MMP26: variants seen among roughly 807,000 people sequenced by gnomAD.
MMP26 encodes matrix metalloproteinase-26.
A neutral mutation model predicts 31.0 loss-of-function variants in MMP26; 33 were observed. That is an observed-to-expected ratio of 1.06 (90% CI 0.81 to 1.42). The LOEUF (loss-of-function observed/expected upper bound fraction) is 1.42, where lower values mean the gene tolerates loss of function less well. Ranked by LOEUF, MMP26 falls within the 40% of genes most tolerant of loss-of-function variation. The probability of loss-of-function intolerance (pLI) is 0.00; values close to 1 mark genes in which losing one functional copy is unlikely to be tolerated. For missense variants in MMP26, 347 were observed against 316.1 expected, an observed-to-expected ratio of 1.10 and a Z score of -0.74; for synonymous variants, 122 against 114.9, an observed-to-expected ratio of 1.06 and a Z score of -0.40.
intron 2 of MMP26, among the ~76,000 whole-genome samples, chr11:4,879,341 A>G (rs1721912236): frequency 6.6e-6 from 1 of 152,162 alleles, no homozygotes; most frequent in Non-Finnish European, 1.5e-5. Context: ...AGCTTAAACC[A>G]TATGTGGGCA....
chr11:4,883,967 T>C (rs1055773892), intron 2 of MMP26, among the ~76,000 whole-genome samples: 1 of 152,122 alleles, frequency 6.6e-6, no homozygotes, highest in Admixed American at 6.6e-5. Context: ...TTATATAAAC[T>C]TCCTGTTCCT....
At chr11:4,855,444 A>T (rs1304100591) in intron 2 of MMP26, among the ~76,000 whole-genome samples, 1 of 152,208 alleles carries the variant, frequency 6.6e-6, no homozygotes, top group Non-Finnish European at 1.5e-5. Context: ...TCAGTAGACG[A>T]TTCGATCAAG....
intron 2 of MMP26, among the ~76,000 whole-genome samples, chr11:4,771,448 C>T (rs929827179): frequency 2.0e-5 from 3 of 152,056 alleles, no homozygotes; most frequent in African/African-American, 4.8e-5. Context: ...TGCTGGCTTC[C>T]GGATACAGTA....
Position 4,803,878 on chromosome 11 carries a change from C to G in MMP26, c.-145+36537C>G, listed in dbSNP as rs755387358. On this transcript the variant is annotated intron_variant, in intron 2 of 7. Coordinates refer to ENST00000380390, the MANE Select transcript of MMP26 (RefSeq NM_021801.5). Reference sequence around the variant, plus strand: ...GGCTTGGTGTTGGCAGAAGGGCATCCTAGACACCATGAAGCAGAAGGGGCT... The same window carrying G: ...GGCTTGGTGTTGGCAGAAGGGCATCGTAGACACCATGAAGCAGAAGGGGCT... The G allele has an allele frequency of 6.8e-6, 11 of 1,612,540 alleles. No homozygotes were observed. The East Asian group carries it at 2.5e-4, about 36-fold the overall frequency.
intron 2 of MMP26, chr11:4,944,994 A>G (rs1006562806): frequency 3.3e-5 from 5 of 152,144 alleles, no homozygotes; most frequent in African/African-American, 1.2e-4. Context: ...ATTAGGCAGG[A>G]AAAAATAAGA....
Position 4,923,357 on chromosome 11 carries a change from C to T in MMP26, c.-144-64711C>T, listed in dbSNP as rs746679440. 8.6e-6 allele frequency: 13 copies of T among 1,519,516 alleles called. No homozygotes were observed. The South Asian group carries it at 1.3e-4, about 16-fold the overall frequency. The allele number at this position is 1,519,516 out of a possible 1,614,324, so 94.1% of individuals were successfully genotyped here. A position where few individuals can be genotyped will look rare whatever the true frequency, so the allele number is the denominator to read the frequency against. ...CCTGTGGGCTTTATGTCCAAAACTTCCTCTCTTTACTCTAACTTAATCCTT... is the reference window on the plus strand; with the variant it reads ...CCTGTGGGCTTTATGTCCAAAACTTTCTCTCTTTACTCTAACTTAATCCTT... On this transcript the variant is annotated intron_variant, in intron 2 of 7. Transcript: ENST00000380390.
intron 7 of MMP26, 23 bp from the exon 8 acceptor site, chr11:4,992,191 G>GCT: frequency 2.0e-6 from 3 of 1,493,748 alleles, no homozygotes; most frequent in Non-Finnish European, 2.7e-6. Flanking sequence ...ATTTACTGTT[G>GCT]TTTTTTTTTT....
At chr11:4,940,552 G>A (rs1846192596) in intron 2 of MMP26, among the ~76,000 whole-genome samples, 1 of 152,174 alleles carries the variant, frequency 6.6e-6, no homozygotes, top group Non-Finnish European at 1.5e-5. Context: ...TCAGAAGTAG[G>A]AAAGAATCCT....
At chr11:4,714,780 A>G (rs955788980) in intron 1 of MMP26, among the ~76,000 whole-genome samples, 4 of 152,234 alleles carry the variant, frequency 2.6e-5, no homozygotes, top group Middle Eastern at 3.4e-3. Flanking sequence ...ACATTCTTAC[A>G]ATGGGCCTGG....
At chr11:4,856,619 A>T (rs1371438713) in intron 2 of MMP26, among the ~76,000 whole-genome samples, 2 of 152,108 alleles carry the variant, frequency 1.3e-5, no homozygotes, top group African/African-American at 4.8e-5. Context: ...ACACAATAAT[A>T]ATGGGAGGGT....
At chr11:4,938,381 C>T (rs1481349401) in intron 2 of MMP26, 1 of 151,184 alleles carries the variant, frequency 6.6e-6, no homozygotes, top group East Asian at 1.9e-4. Flanking sequence ...ATATTGCTTT[C>T]TGTTACATTA....
At chr11:4,901,529 G>A (rs958470928) in intron 2 of MMP26, among the ~76,000 whole-genome samples, 3 of 151,888 alleles carry the variant, frequency 2.0e-5, no homozygotes, top group Non-Finnish European at 4.4e-5. Flanking sequence ...ACGTCTTTCT[G>A]TTATGTGAGT....
At chr11:4,914,838 G>C (rs753888356) in intron 2 of MMP26, 2 of 1,614,072 alleles carry the variant, frequency 1.2e-6, no homozygotes, top group Non-Finnish European at 1.7e-6. Flanking sequence ...ACCTGGACCA[G>C]GTGGGGTGCC....
chr11:4,803,854 G>A (rs928630204), intron 2 of MMP26: 11 of 1,612,714 alleles, frequency 6.8e-6, no homozygotes, highest in Non-Finnish European at 9.3e-6. Context: ...CTGGGGAATG[G>A]CTTGGTGTTG....
At chr11:4,908,620 C>T in intron 2 of MMP26, 1 of 397,890 alleles carries the variant, frequency 2.5e-6, no homozygotes, top group Non-Finnish European at 4.7e-6. Context: ...GATTACCATT[C>T]AGTTAGTATC....
chr11:4,932,700 T>G (rs1240196428), intron 2 of MMP26, among the ~76,000 whole-genome samples: 1 of 152,100 alleles, frequency 6.6e-6, no homozygotes, highest in Non-Finnish European at 1.5e-5. Context: ...TTGGATCACT[T>G]AGTTTTGGAG....
At chr11:4,845,988 G>T (rs1849861560) in intron 2 of MMP26, among the ~76,000 whole-genome samples, 1 of 152,140 alleles carries the variant, frequency 6.6e-6, no homozygotes. Context: ...TTGGAGAATG[G>T]TTTAGAGGTT....
chr11:4,938,142 G>C (rs1198076643), intron 2 of MMP26: 1 of 152,072 alleles, frequency 6.6e-6, no homozygotes, highest in African/African-American at 2.4e-5. Context: ...GCTCTGTCTT[G>C]ATAAAAAAGA....
chr11:4,862,511 T>A (rs1850176369), intron 2 of MMP26, among the ~76,000 whole-genome samples: 1 of 152,118 alleles, frequency 6.6e-6, no homozygotes, highest in South Asian at 2.1e-4. Flanking sequence ...AGAGAAAAAT[T>A]TATTTTTCTA....
Sources: gnomAD v4.1 joint callset for allele counts (sites outside exome capture counted in the v4.1 genomes callset) on GRCh38, gnomAD v4.1.1 for gene constraint, MANE v1.5 for transcripts, NCBI Gene and HGNC (gene_info 2026-07-23, HGNC 2026-07-21) for gene names.